The following PVALEF variants were observed in gnomAD, a reference collection of about 807,000 sequenced individuals.
PVALEF encodes parvalbumin like EF-hand containing, also known as parvalbumin-like EF-hand-containing protein.
In PVALEF, 2 loss-of-function variants were observed where a neutral mutation model predicts 1.2. The ratio of observed to expected loss-of-function variants is 1.68; its 90% confidence interval spans 0.69 to 5.28. The LOEUF is 5.28. Ranked by LOEUF, PVALEF falls within the 30% of genes most tolerant of loss-of-function variation. The pLI, the probability that PVALEF is intolerant of heterozygous loss-of-function variation, is 0.06. For synonymous variants in PVALEF, 16 were observed against 6.5 expected, an observed-to-expected ratio of 2.47 and a Z score of -2.24; for missense variants, 35 against 17.7, an observed-to-expected ratio of 1.97 and a Z score of -1.75.
chr17:81,177,040 C>T (rs1308541460), intron 2 of PVALEF, among the ~76,000 whole-genome samples: 1 of 150,688 alleles, frequency 6.6e-6, no homozygotes, highest in Non-Finnish European at 1.5e-5. Flanking sequence ...GATTCTGCTG[C>T]CTCAGCCTCC....
chr17:81,177,910 C>G (rs2061540985), intron 2 of PVALEF, among the ~76,000 whole-genome samples: 1 of 152,202 alleles, frequency 6.6e-6, no homozygotes, highest in South Asian at 2.1e-4. Context: ...GGGCTCAGCC[C>G]TTTGGGAAAG....
At chr17:81,170,846 C>T (rs889673767) in intron 2 of PVALEF, among the ~76,000 whole-genome samples, 1 of 152,108 alleles carries the variant, frequency 6.6e-6, no homozygotes, top group South Asian at 2.1e-4. Flanking sequence ...CTCTTAGAGG[C>T]ATCTCTAGGG....
chr17:81,166,006 G>A, intron 1 of PVALEF: 7 of 1,554,258 alleles, frequency 4.5e-6, no homozygotes, highest in Non-Finnish European at 6.1e-6. Flanking sequence ...CGGGCCAGCG[G>A]CCGGCGGGCA....
At chr17:81,180,930 C>T (rs1319780461) in intron 3 of PVALEF, among the ~76,000 whole-genome samples, 193 bp from the exon 4 acceptor site, 1 of 152,198 alleles carries the variant, frequency 6.6e-6, no homozygotes, top group South Asian at 2.1e-4. Flanking sequence ...ACCCAACCCC[C>T]CCTGGGGACG....
intron 2 of PVALEF, among the ~76,000 whole-genome samples, chr17:81,169,470 C>T (rs575442145): frequency 1.3e-5 from 2 of 152,284 alleles, no homozygotes; most frequent in Admixed American, 1.3e-4. Context: ...TGGTGGCAGG[C>T]GCCTGTAATC....
intron 2 of PVALEF, among the ~76,000 whole-genome samples, chr17:81,176,583 T>TA (rs776811128): frequency 3.1e-3 from 422 of 136,716 alleles, no homozygotes; most frequent in South Asian, 4.0e-3. Context: ...TGGCTGCTAT[T>TA]AAAAAAAAAA....
At chr17:81,170,460 G>A (rs2061517137) in intron 2 of PVALEF, among the ~76,000 whole-genome samples, 2 of 152,178 alleles carry the variant, frequency 1.3e-5, no homozygotes, top group South Asian at 2.1e-4. Flanking sequence ...GATCACAGCT[G>A]CAAGGACCCT....
rs201785642 is a variant in PVALEF at position 81,176,246 on chromosome 17, C to T, written c.-339-2672C>T. Among the ~76,000 whole-genome samples the T allele has an allele frequency of 9.2e-5, 14 of 152,238 alleles. No homozygotes were observed. The East Asian group carries it at 2.5e-3, about 27-fold the overall frequency. ...TCAAAGCCACAGTGAGGGCCGGGCACGGTGGCTCATGCCTGTAATCCCAGC... is the reference window on the plus strand; with the variant it reads ...TCAAAGCCACAGTGAGGGCCGGGCATGGTGGCTCATGCCTGTAATCCCAGC... On this transcript the variant is annotated intron_variant, in intron 2 of 6. Transcript: ENST00000637878.
chr17:81,177,078 C>G (rs928333923), intron 2 of PVALEF, among the ~76,000 whole-genome samples: 1 of 151,564 alleles, frequency 6.6e-6, no homozygotes, highest in Admixed American at 6.6e-5. Context: ...AGTCTCGCAC[C>G]ACCAACGCTG....
chr17:81,177,128 T>C (rs2061538295), intron 2 of PVALEF, among the ~76,000 whole-genome samples: 1 of 149,990 alleles, frequency 6.7e-6, no homozygotes, highest in African/African-American at 2.4e-5. Context: ...GGTTTCACCA[T>C]GTTGGCCAGG....
chr17:81,176,734 A>G (rs2061536898), intron 2 of PVALEF, among the ~76,000 whole-genome samples: 1 of 152,150 alleles, frequency 6.6e-6, no homozygotes, highest in South Asian at 2.1e-4. Flanking sequence ...GAATGACAGT[A>G]TCATCCAGCA....
intron 2 of PVALEF, among the ~76,000 whole-genome samples, chr17:81,167,222 G>A (rs2061500048): frequency 6.6e-6 from 1 of 152,248 alleles, no homozygotes. Context: ...GAGCCTGGGA[G>A]TTAGAGGCCG....
chr17:81,181,486 A>C, intron 4 of PVALEF, 73 bp from the exon 5 acceptor site: 1 of 489,534 alleles, frequency 2.0e-6, no homozygotes, highest in Non-Finnish European at 3.6e-6. Context: ...CCCCCATCCC[A>C]GGGCGGGGTC....
chr17:81,181,013 C>T, intron 3 of PVALEF, 110 bp from the exon 4 acceptor site: 1 of 521,774 alleles, frequency 1.9e-6, no homozygotes. Context: ...CTCCCGCTGA[C>T]CCCTCTGCCT....
Position 81,178,931 on chromosome 17 carries a change from A to C in PVALEF, c.-326A>C. ...ACCCCGCCCCAGGTTTGGGGAGGCC[A>C]GGCACTGCTAAGGGTCAGTCTGCCC... On this transcript the variant is annotated 5_prime_UTR_variant, in exon 3 of 7. Coordinates refer to ENST00000637878, the MANE Select transcript of PVALEF (RefSeq NM_001354639.2). The C allele has an allele frequency of 4.2e-6, 1 of 240,186 alleles. No homozygotes were observed. Among genetic ancestry groups the C allele is most frequent in the Non-Finnish European group, 8.9e-6 (1 of 111,962 alleles). 14.9% of individuals were successfully genotyped at this position (240,186 alleles called of 1,614,324 possible).
chr17:81,181,999 C>T lies in PVALEF; in HGVS notation c.276C>T (p.Pro92=). Reference sequence around the variant, plus strand: ...TGTCCATCATCCCCAGCAGCGGGCCCACCACCCCGCTGACAGACGAGGAGG... The same window carrying T: ...TGTCCATCATCCCCAGCAGCGGGCCTACCACCCCGCTGACAGACGAGGAGG... ...YILSIIPSSG[P]TTPLTDEEAE... is the part of the protein sequence containing the mutation. The change falls in exon 6 of 7, where the codon CCC becomes CCT. Residue 92 remains proline, a synonymous_variant. Transcript: ENST00000637878. 2.5e-6 allele frequency: 1 copy of T among 398,742 alleles called. No individual in the cohort carries two copies. Among genetic ancestry groups the T allele is most frequent in the Non-Finnish European group, 4.4e-6 (1 of 226,152 alleles). 24.7% of individuals were successfully genotyped at this position (398,742 alleles called of 1,614,324 possible). A position where few individuals can be genotyped will look rare whatever the true frequency, so the allele number is the denominator to read the frequency against.
intron 2 of PVALEF, 23 bp downstream of exon 2, chr17:81,166,867 C>T (rs1030031136): frequency 1.6e-5 from 6 of 378,184 alleles, no homozygotes; most frequent in Non-Finnish European, 3.3e-5. Flanking sequence ...GCAGGTTGGC[C>T]TGGGCGCTGA....
chr17:81,180,095 T>C (rs1375737345), intron 3 of PVALEF, among the ~76,000 whole-genome samples: 8 of 152,150 alleles, frequency 5.3e-5, no homozygotes. Flanking sequence ...GCTCCAGGCC[T>C]GCCTCCCACC....
intron 2 of PVALEF, among the ~76,000 whole-genome samples, chr17:81,178,395 C>T (rs73370035): frequency 1.3e-5 from 2 of 152,174 alleles, no homozygotes; most frequent in Non-Finnish European, 2.9e-5. Flanking sequence ...CACCACCCTC[C>T]CTGGCAGAAG....
Sources: gnomAD v4.1 joint callset for allele counts (sites outside exome capture counted in the v4.1 genomes callset) on GRCh38, gnomAD v4.1.1 for gene constraint, MANE v1.5 for transcripts, NCBI Gene and HGNC (gene_info 2026-07-23, HGNC 2026-07-21) for gene names.